Variants in MLLT10 observed in about 807,000 individuals in gnomAD.
MLLT10 encodes protein AF-10.
Under a neutral mutation model 129.1 loss-of-function variants are expected in MLLT10, and 30 were observed. The observed-to-expected ratio is 0.23, with a 90% CI of 0.17 to 0.32. MLLT10 has a LOEUF of 0.32. MLLT10 is among the 10% of genes least tolerant of loss of function. MLLT10 has a pLI of 1.00. For synonymous variants in MLLT10, 490 were observed against 446.4 expected (o/e 1.10, Z -1.23); for missense variants, 1,119 against 1,268.3 (o/e 0.88, Z 1.79).
chr10:21,556,667 G>C (rs1389624807), intron 3 of MLLT10: 1 of 1,612,036 alleles, frequency 6.2e-7, no homozygotes, highest in South Asian at 1.1e-5. Flanking sequence ...CTGTTGGTTA[G>C]CCTCATCTGA....
chr10:21,650,527 C>G (rs2131319703), intron 8 of MLLT10, among the ~76,000 whole-genome samples: 1 of 151,866 alleles, frequency 6.6e-6, no homozygotes, highest in East Asian at 1.9e-4. Context: ...GCATTGTGTT[C>G]TGCTTGTATG....
rs1022686819 is a variant in MLLT10, at chr10:21,557,210, C to T, written c.240+18298C>T. ...AATGCCTACTGTGTTGTTATTTTTC[C>T]CCTTGTGCTTAATGATTGAGTTATA... On this transcript the variant is annotated intron_variant, in intron 3 of 22. Transcript: ENST00000307729. 2.0e-5 allele frequency: 24 copies of T among 1,216,258 alleles called. 1 individual carries two copies. The highest frequency in any genetic ancestry group is 3.1e-5 in the African/African-American group (2 of 65,294). 75.3% of individuals were successfully genotyped at this position (1,216,258 alleles called of 1,614,324 possible).
At position 21,717,816 on chromosome 10, in the gene MLLT10, T is replaced by TCTTCTCCTC. The variant is rs2056824634; in HGVS notation, c.1878+3878_1878+3886dup. On this transcript the variant is annotated intron_variant, in intron 14 of 22. Transcript: ENST00000307729. ...TTCTTCTTCTCCTTCTTCTTCTCCT[T>TCTTCTCCTC]CTTCTCCTCCTTCTCCTCCTCCTTC... Among the ~76,000 whole-genome samples the TCTTCTCCTC allele has an allele frequency of 9.2e-5, 10 of 109,068 alleles. No individual in the cohort carries two copies. The South Asian group carries it at 1.6e-3, about 17-fold the overall frequency. The allele number at this position is 109,068 out of a possible 152,430, so 71.6% of individuals were successfully genotyped here.
intron 13 of MLLT10, among the ~76,000 whole-genome samples, chr10:21,696,983 C>G (rs890450121): frequency 6.6e-6 from 1 of 150,514 alleles, no homozygotes; most frequent in Non-Finnish European, 1.5e-5. Context: ...CTGTGAGACT[C>G]TACATGAGTT....
intron 3 of MLLT10, among the ~76,000 whole-genome samples, chr10:21,567,509 T>G (rs1296316621): frequency 6.6e-6 from 1 of 152,198 alleles, no homozygotes; most frequent in Non-Finnish European, 1.5e-5. Flanking sequence ...GGAAGTCCAG[T>G]CTTCCCTACT....
chr10:21,560,251 C>T (rs992780720), intron 3 of MLLT10, among the ~76,000 whole-genome samples: 4 of 152,140 alleles, frequency 2.6e-5, no homozygotes, highest in South Asian at 2.1e-4. Context: ...GTGATCTGCC[C>T]GGGCTGGGCC....
chr10:21,592,237 G>A (rs2042575416), intron 4 of MLLT10, among the ~76,000 whole-genome samples: 1 of 152,088 alleles, frequency 6.6e-6, no homozygotes, highest in Admixed American at 6.5e-5. Context: ...GTACCTACAT[G>A]TTTATCACTC....
chr10:21,548,330 C>T (rs1013409452), intron 3 of MLLT10, among the ~76,000 whole-genome samples: 5 of 150,736 alleles, frequency 3.3e-5, no homozygotes, highest in Non-Finnish European at 7.4e-5. Flanking sequence ...GATTTTCATT[C>T]TGTTTTTCAT....
intron 14 of MLLT10, among the ~76,000 whole-genome samples, chr10:21,723,868 C>T (rs1028864928): frequency 2.0e-5 from 3 of 152,098 alleles, no homozygotes; most frequent in African/African-American, 4.8e-5. Flanking sequence ...GGATCTGAGA[C>T]GTCAACAGAT....
chr10:21,741,094 G>C (rs4747437), intron 22 of MLLT10, among the ~76,000 whole-genome samples: 1 of 152,020 alleles, frequency 6.6e-6, no homozygotes, highest in Non-Finnish European at 1.5e-5. Flanking sequence ...ACTTTAGTTT[G>C]TACTTAGTAA....
intron 16 of MLLT10, 77 bp downstream of exon 16, chr10:21,728,005 A>G (rs1267149097): frequency 7.5e-6 from 9 of 1,192,822 alleles, no homozygotes; most frequent in Admixed American, 5.8e-5. Context: ...TCATATCAGT[A>G]GAGTGTACAT....
intron 8 of MLLT10, among the ~76,000 whole-genome samples, chr10:21,644,631 T>A (rs1276366418): frequency 1.3e-5 from 2 of 152,066 alleles, no homozygotes; most frequent in East Asian, 3.9e-4. Context: ...AGGATTCTAT[T>A]TTATTTTTTA....
At chr10:21,535,483 C>G (rs1459441343) in intron 2 of MLLT10, among the ~76,000 whole-genome samples, 1 of 152,066 alleles carries the variant, frequency 6.6e-6, no homozygotes, top group South Asian at 2.1e-4. Context: ...GTGGCCGCGG[C>G]AGGCCACCAC....
intron 14 of MLLT10, among the ~76,000 whole-genome samples, chr10:21,724,733 A>C (rs117405581): frequency 7.0e-4 from 106 of 152,352 alleles, no homozygotes; most frequent in Admixed American, 1.8e-3. Flanking sequence ...TTAAGGTCAT[A>C]ATATTCTTGG....
At chr10:21,556,842 A>G (rs1453623380) in intron 3 of MLLT10, 5 of 1,553,504 alleles carry the variant, frequency 3.2e-6, no homozygotes, top group African/African-American at 1.4e-5. Flanking sequence ...ACCACTTGTC[A>G]TATGTCCTTT....
chr10:21,619,242 G>A (rs996221396), intron 8 of MLLT10, among the ~76,000 whole-genome samples: 6 of 152,192 alleles, frequency 3.9e-5, no homozygotes, highest in Admixed American at 1.3e-4. Context: ...CACCATGAAA[G>A]TTTATTTAAG....
At chr10:21,712,362 T>TC (rs2056185060) in intron 13 of MLLT10, among the ~76,000 whole-genome samples, 1 of 152,150 alleles carries the variant, frequency 6.6e-6, no homozygotes, top group Admixed American at 6.5e-5. Flanking sequence ...TACAGGCATG[T>TC]GCCACCATGC....
upstream of MLLT10, chr10:21,534,089 G>T (rs975295852): frequency 4.4e-6 from 1 of 224,808 alleles, no homozygotes; most frequent in East Asian, 8.9e-5. Context: ...CCCACCCCCA[G>T]CACACCTCGG....
At chr10:21,656,939 C>G (rs2049648723) in intron 9 of MLLT10, among the ~76,000 whole-genome samples, 1 of 152,154 alleles carries the variant, frequency 6.6e-6, no homozygotes, top group Non-Finnish European at 1.5e-5. Flanking sequence ...TCTGCAAGAA[C>G]TTGATGTACG....
Sources: allele counts gnomAD v4.1 joint callset (sites outside exome capture counted in the v4.1 genomes callset), GRCh38; gene constraint gnomAD v4.1.1; transcripts MANE v1.5; gene names NCBI Gene and HGNC (gene_info 2026-07-23, HGNC 2026-07-21).